Variants in RBFOX1 observed in about 807,000 individuals in gnomAD.
RBFOX1 encodes the protein RNA binding protein fox-1 homolog 1.
Under a neutral mutation model 57.7 loss-of-function variants are expected in RBFOX1, and 8 were observed. That is an observed-to-expected ratio of 0.14 (90% CI 0.08 to 0.25). The LOEUF is 0.25. Ranked by LOEUF, RBFOX1 falls within the 10% of genes least tolerant of loss-of-function variation. The probability of loss-of-function intolerance (pLI) is 1.00; values close to 1 mark genes in which losing one functional copy is unlikely to be tolerated. For synonymous variants in RBFOX1, 326 were observed against 222.4 expected, an observed-to-expected ratio of 1.47 and a Z score of -4.15; for missense variants, 611 against 548.5, an observed-to-expected ratio of 1.11 and a Z score of -1.14.
At chr16:6,695,276 G>T (rs1421063646) in intron 3 of RBFOX1, among the ~76,000 whole-genome samples, 1 of 151,884 alleles carries the variant, frequency 6.6e-6, no homozygotes, top group Non-Finnish European at 1.5e-5. Flanking sequence ...AAAATTAGCT[G>T]GGCGTGGTGG....
rs138500385 is a variant in RBFOX1, at chr16:6,074,230, G to A, written c.-127+54238G>A. Among the ~76,000 whole-genome samples the A allele has an allele frequency of 6.0e-3, 913 of 152,276 alleles. 12 individuals carry two copies. The highest frequency in any genetic ancestry group is 0.018 in the African/African-American group (757 of 41,556). ...ACCAAAGTGCTGGGATTACAGGCAT[G>A]AGCCACAGCGCCCGGCCATCAAGCT... On this transcript the variant is annotated intron_variant, in intron 1 of 15. Transcript: ENST00000550418.
At chr16:6,272,784 A>G in intron 1 of RBFOX1, among the ~76,000 whole-genome samples, 1 of 152,188 alleles carries the variant, frequency 6.6e-6, no homozygotes, top group East Asian at 1.9e-4. Context: ...AGACCTACAT[A>G]AGTATGTCCA....
rs1362506584 is a variant in RBFOX1, at chr16:5,742,687, C to T, written c.319-124616C>T. On this transcript the variant is annotated intron_variant, in intron 3 of 19. Transcript: ENST00000641259. ...AGAGTACTGGCCCAGCTGTGCAGGA[C>T]AGAATGGGTATCATATATGACTTAA... Among the ~76,000 whole-genome samples the T allele has an allele frequency of 2.0e-5, 3 of 152,124 alleles. No homozygotes were observed. In the South Asian group the frequency reaches 6.2e-4, roughly 32 times the overall value.
chr16:7,126,812 G>T (rs1412107092), intron 4 of RBFOX1, among the ~76,000 whole-genome samples: 1 of 151,740 alleles, frequency 6.6e-6, no homozygotes, highest in East Asian at 1.9e-4. Context: ...TTTTCTTTTA[G>T]CCTGGCCAAT....
At chr16:6,930,553 GTACCCCCCACCA>G (rs1411859285) in intron 3 of RBFOX1, among the ~76,000 whole-genome samples, 3 of 152,006 alleles carry the variant, frequency 2.0e-5, no homozygotes, top group Non-Finnish European at 4.4e-5. Context: ...GGGATTACAG[GTACCCCCCACCA>G]TGCCTGGCTA....
At chr16:7,378,606 CACATT>C (rs2097728663) in intron 4 of RBFOX1, among the ~76,000 whole-genome samples, 1 of 152,196 alleles carries the variant, frequency 6.6e-6, no homozygotes, top group Non-Finnish European at 1.5e-5. Flanking sequence ...AAGCATTAGG[CACATT>C]GTTTTTCTTC....
At chr16:5,736,653 C>T (rs950642240) in intron 3 of RBFOX1, among the ~76,000 whole-genome samples, 2 of 152,060 alleles carry the variant, frequency 1.3e-5, no homozygotes, top group Non-Finnish European at 2.9e-5. Context: ...TCTCTGTCAC[C>T]TGGCATTTTC....
chr16:7,545,302 G>T (rs970914347), intron 5 of RBFOX1, among the ~76,000 whole-genome samples: 3 of 147,010 alleles, frequency 2.0e-5, no homozygotes, highest in African/African-American at 7.8e-5. Context: ...ACTGAGAGAG[G>T]CAGGGTGCGG....
At chr16:6,521,580 A>C (rs190723954) in intron 2 of RBFOX1, among the ~76,000 whole-genome samples, 23 of 147,876 alleles carry the variant, frequency 1.6e-4, no homozygotes, top group African/African-American at 5.6e-4. Flanking sequence ...TTCTCTCTTT[A>C]ATCTTTTTTC....
intron 2 of RBFOX1, among the ~76,000 whole-genome samples, chr16:6,614,142 C>T (rs2098111409): frequency 6.6e-6 from 1 of 152,008 alleles, no homozygotes; most frequent in Admixed American, 6.5e-5. Flanking sequence ...TTGAATTTCC[C>T]ATGTAAGATA....
chr16:5,988,478 G>C (rs947745297), intron 4 of RBFOX1, among the ~76,000 whole-genome samples: 1 of 152,098 alleles, frequency 6.6e-6, no homozygotes, highest in African/African-American at 2.4e-5. Context: ...CCTGTCTTAG[G>C]TCTGGTTACC....
At chr16:7,607,580 T>C (rs966887314) in intron 10 of RBFOX1, among the ~76,000 whole-genome samples, 4 of 152,172 alleles carry the variant, frequency 2.6e-5, no homozygotes, top group Admixed American at 2.0e-4. Flanking sequence ...ACAATTCACA[T>C]TGATTTTGCC....
chr16:6,375,702 C>A, intron 2 of RBFOX1, among the ~76,000 whole-genome samples: 1 of 152,208 alleles, frequency 6.6e-6, no homozygotes, highest in East Asian at 1.9e-4. Context: ...CACAGCGGAC[C>A]GTTGATTAAC....
At chr16:6,876,747 A>G (rs2061925325) in intron 3 of RBFOX1, among the ~76,000 whole-genome samples, 1 of 152,082 alleles carries the variant, frequency 6.6e-6, no homozygotes, top group African/African-American at 2.4e-5. Flanking sequence ...CTGCATTGTA[A>G]TTTGTGTGCT....
intron 2 of RBFOX1, among the ~76,000 whole-genome samples, chr16:6,401,136 A>G (rs2093051082): frequency 6.6e-6 from 1 of 152,192 alleles, no homozygotes; most frequent in South Asian, 2.1e-4. Context: ...AAAGAACAAT[A>G]TGAACCTGGA....
intron 2 of RBFOX1, among the ~76,000 whole-genome samples, chr16:6,418,031 G>A (rs529378141): frequency 6.6e-6 from 1 of 152,172 alleles, no homozygotes; most frequent in African/African-American, 2.4e-5. Context: ...CACAGGCCAA[G>A]CCTTCAAACA....
intron 2 of RBFOX1, among the ~76,000 whole-genome samples, chr16:6,580,007 G>A (rs2097511804): frequency 1.3e-5 from 2 of 151,952 alleles, no homozygotes; most frequent in Non-Finnish European, 1.5e-5. Context: ...CGCCCAGGCT[G>A]GAGTGCAGCG....
At chr16:5,561,538 A>G (rs2045890724) in intron 2 of RBFOX1, among the ~76,000 whole-genome samples, 1 of 152,188 alleles carries the variant, frequency 6.6e-6, no homozygotes, top group Admixed American at 6.5e-5. Flanking sequence ...GTACAAAAGA[A>G]AGCCATTATG....
rs182678750 is a variant in RBFOX1 at position 6,281,172 on chromosome 16, A to T, written c.-126-35823A>T. Among the ~76,000 whole-genome samples the T allele has an allele frequency of 1.3e-4, 20 of 152,148 alleles. No homozygotes were observed. In the East Asian group the frequency reaches 3.7e-3, roughly 28 times the overall value. On this transcript the variant is annotated intron_variant, in intron 1 of 15. Transcript: ENST00000550418. ...TGGTGGGGGATGTTAGTAATGAGAT[A>T]TAAATTGATACTGTGCAGCCAACTT...
Sources: allele counts gnomAD v4.1 joint callset (sites outside exome capture counted in the v4.1 genomes callset), GRCh38; gene constraint gnomAD v4.1.1; transcripts MANE v1.5; gene names NCBI Gene and HGNC (gene_info 2026-07-23, HGNC 2026-07-21).